The following SPICE1 variants were observed in gnomAD, a reference collection of about 807,000 sequenced individuals.
SPICE1 encodes the protein spindle and centriole associated protein 1, also known as spindle and centriole-associated protein 1.
A neutral mutation model predicts 102.7 loss-of-function variants in SPICE1; 75 were observed. The observed-to-expected ratio is 0.73, with a 90% CI of 0.61 to 0.88. The LOEUF is 0.88. Among genes scored for constraint, SPICE1 ranks in the 40% least tolerant of loss-of-function variants. The probability of loss-of-function intolerance (pLI) is 0.00; values close to 1 mark genes in which losing one functional copy is unlikely to be tolerated. For missense variants in SPICE1, 979 were observed against 1,020.1 expected, an observed-to-expected ratio of 0.96 and a Z score of 0.55; for synonymous variants, 308 against 350.3, an observed-to-expected ratio of 0.88 and a Z score of 1.35.
intron 4 of SPICE1, 105 bp downstream of exon 4, chr3:113,499,334 G>A: frequency 8.3e-7 from 1 of 1,199,764 alleles, no homozygotes; most frequent in Non-Finnish European, 1.1e-6. Context: ...GAATAAGAAT[G>A]CAGTGATTAC....
In SPICE1 at chr3:113,477,327, C is replaced by T. The variant is rs1364108809; in HGVS notation, c.612-8089G>A. Among the ~76,000 whole-genome samples the T allele has an allele frequency of 5.3e-5, 8 of 152,184 alleles. No homozygotes were observed. In the South Asian group the frequency reaches 1.2e-3, roughly 24 times the overall value. ...ATGTGGAGAAGTAGGAACACTTTTACACTGTTGGTGGGACTGTAAACTAGT... is the reference window on the plus strand; with the variant it reads ...ATGTGGAGAAGTAGGAACACTTTTATACTGTTGGTGGGACTGTAAACTAGT... On this transcript the variant is annotated intron_variant, in intron 7 of 17. Coordinates refer to ENST00000295872, the MANE Select transcript of SPICE1 (RefSeq NM_144718.4).
intron 15 of SPICE1, 59 bp from the exon 16 acceptor site, chr3:113,448,199 C>A (rs962290769): frequency 5.6e-6 from 8 of 1,422,900 alleles, no homozygotes; most frequent in Admixed American, 2.0e-5. Flanking sequence ...AAATTTCACT[C>A]AATTTCTATC....
intron 7 of SPICE1, among the ~76,000 whole-genome samples, chr3:113,471,197 C>T (rs1936187661): frequency 6.6e-6 from 1 of 152,046 alleles, no homozygotes; most frequent in Non-Finnish European, 1.5e-5. Flanking sequence ...TCACTATTAC[C>T]TTATATGGCA....
chr3:113,488,766 G>C (rs1054888686), intron 7 of SPICE1, among the ~76,000 whole-genome samples, 179 bp downstream of exon 7: 4 of 152,130 alleles, frequency 2.6e-5, no homozygotes, highest in African/African-American at 9.7e-5. Flanking sequence ...ATGAATCTGA[G>C]TAAAGAGTAT....
At chr3:113,502,713 A>C in intron 3 of SPICE1, among the ~76,000 whole-genome samples, 1 of 149,334 alleles carries the variant, frequency 6.7e-6, no homozygotes, top group South Asian at 2.1e-4. Context: ...AAAAAAAAGT[A>C]GGATTTGAAC....
chr3:113,448,401 C>T (rs1453653370), intron 15 of SPICE1, among the ~76,000 whole-genome samples: 1 of 151,594 alleles, frequency 6.6e-6, no homozygotes, highest in South Asian at 2.1e-4. Flanking sequence ...ATCATGTCAG[C>T]TCTGGAGGTG....
At chr3:113,503,121 C>T in intron 3 of SPICE1, 59 bp downstream of exon 3, 1 of 1,542,892 alleles carries the variant, frequency 6.5e-7, no homozygotes, top group Non-Finnish European at 8.9e-7. Flanking sequence ...CTAAAGGTTA[C>T]AAGTCAAATA....
chr3:113,496,221 G>T (rs1418470982), intron 4 of SPICE1, among the ~76,000 whole-genome samples: 1 of 151,982 alleles, frequency 6.6e-6, no homozygotes, highest in African/African-American at 2.4e-5. Flanking sequence ...TGGTTTGAGT[G>T]ATCAAAGATC....
At chr3:113,460,864 T>C (rs560632574) in intron 11 of SPICE1, 100 bp from the exon 12 acceptor site, 4 of 974,956 alleles carry the variant, frequency 4.1e-6, no homozygotes, top group East Asian at 5.1e-5. Flanking sequence ...TTTAATATCA[T>C]ATCAATACAT....
intron 1 of SPICE1, among the ~76,000 whole-genome samples, chr3:113,508,430 A>T (rs773908108): frequency 9.9e-5 from 15 of 152,196 alleles, no homozygotes; most frequent in Non-Finnish European, 2.2e-4. Context: ...TCGACAATTT[A>T]AAAAATCCGA....
At chr3:113,500,427 G>A (rs950575914) in intron 3 of SPICE1, among the ~76,000 whole-genome samples, 1 of 151,922 alleles carries the variant, frequency 6.6e-6, no homozygotes, top group African/African-American at 2.4e-5. Context: ...TTAGACAACT[G>A]AGGAGATTTG....
At chr3:113,486,870 T>G (rs959873170) in intron 7 of SPICE1, among the ~76,000 whole-genome samples, 1 of 149,682 alleles carries the variant, frequency 6.7e-6, no homozygotes, top group Non-Finnish European at 1.5e-5. Context: ...GAGATATATA[T>G]ATATATATAT....
intron 3 of SPICE1, among the ~76,000 whole-genome samples, chr3:113,501,806 T>A (rs1267589385): frequency 6.6e-6 from 1 of 152,224 alleles, no homozygotes; most frequent in Non-Finnish European, 1.5e-5. Flanking sequence ...CTGGCGGGGA[T>A]GTAAATGGTG....
chr3:113,456,265 T>C (rs1935776276), intron 13 of SPICE1, among the ~76,000 whole-genome samples: 1 of 151,658 alleles, frequency 6.6e-6, no homozygotes, highest in South Asian at 2.1e-4. Context: ...AATTTGTATG[T>C]CCCAATAATA....
intron 6 of SPICE1, among the ~76,000 whole-genome samples, chr3:113,492,381 G>A (rs938416950): frequency 1.2e-4 from 18 of 152,058 alleles, no homozygotes; most frequent in African/African-American, 3.6e-4. Flanking sequence ...CTGAGTCCTA[G>A]TCATGCATAA....
chr3:113,464,717 TAC>T (rs1559961372), intron 11 of SPICE1, among the ~76,000 whole-genome samples: 1 of 152,196 alleles, frequency 6.6e-6, no homozygotes, highest in African/African-American at 2.4e-5. Context: ...ATAGACTGTG[TAC>T]ACTCAAGAAG....
intron 12 of SPICE1, chr3:113,459,694 C>T: frequency 1.0e-5 from 8 of 791,814 alleles, no homozygotes; most frequent in Non-Finnish European, 1.2e-5. Context: ...CCAGGCTGGC[C>T]AACATGGTGA....
chr3:113,496,050 T>G (rs551031170), intron 4 of SPICE1, among the ~76,000 whole-genome samples: 321 of 141,454 alleles, frequency 2.3e-3, no homozygotes, highest in African/African-American at 8.2e-3. Context: ...TGAGATTTTT[T>G]TTTTACAACT....
intron 15 of SPICE1, 121 bp downstream of exon 15, chr3:113,450,215 A>G: frequency 1.8e-6 from 2 of 1,115,704 alleles, no homozygotes; most frequent in African/African-American, 1.6e-5. Context: ...CTTTCTGTGC[A>G]AAATTGAAGG....
Sources: allele counts gnomAD v4.1 joint callset (sites outside exome capture counted in the v4.1 genomes callset), GRCh38; gene constraint gnomAD v4.1.1; transcripts MANE v1.5; gene names NCBI Gene and HGNC (gene_info 2026-07-23, HGNC 2026-07-21).